The following ST6GALNAC3 variants were observed in gnomAD, a reference collection of about 807,000 sequenced individuals.
ST6GALNAC3 encodes the protein ST6 N-acetylgalactosaminide alpha-2,6-sialyltransferase 3.
A neutral mutation model predicts 32.7 loss-of-function variants in ST6GALNAC3; 25 were observed. The observed-to-expected ratio is 0.76, with a 90% CI of 0.56 to 1.07. The LOEUF (loss-of-function observed/expected upper bound fraction) is 1.07. Among genes scored for constraint, ST6GALNAC3 ranks in the 50% least tolerant of loss-of-function variants. The pLI is 0.00. For missense variants in ST6GALNAC3, 355 were observed against 382.4 expected (o/e 0.93, Z 0.60); for synonymous variants, 129 against 133.1 (o/e 0.97, Z 0.21).
At chr1:76,252,789 G>A (rs72675950) in intron 1 of ST6GALNAC3, among the ~76,000 whole-genome samples, 9,056 of 152,112 alleles carry the variant, frequency 0.06, 295 homozygotes, top group Non-Finnish European at 0.072. Context: ...TGATTTAATT[G>A]GTAAGCCGCT....
chr1:76,429,574 A>G (rs972936520), intron 3 of ST6GALNAC3, among the ~76,000 whole-genome samples: 9 of 152,164 alleles, frequency 5.9e-5, no homozygotes, highest in Admixed American at 1.3e-4. Context: ...TACATACATC[A>G]TATTGAAAAC....
chr1:76,319,756 T>G (rs932393982), intron 2 of ST6GALNAC3, among the ~76,000 whole-genome samples: 2 of 152,208 alleles, frequency 1.3e-5, no homozygotes, highest in African/African-American at 4.8e-5. Context: ...TTAAATGTTA[T>G]AGAAAAGGAA....
intron 3 of ST6GALNAC3, among the ~76,000 whole-genome samples, chr1:76,447,955 A>G (rs1324019917): frequency 6.6e-6 from 1 of 152,152 alleles, no homozygotes; most frequent in African/African-American, 2.4e-5. Context: ...GGCATCACCT[A>G]GTGGAGCTGT....
chr1:76,337,615 C>A (rs532183239), intron 2 of ST6GALNAC3, among the ~76,000 whole-genome samples: 1 of 152,070 alleles, frequency 6.6e-6, no homozygotes, highest in Non-Finnish European at 1.5e-5. Flanking sequence ...CTCCTGGGTG[C>A]TAGTTAGAAA....
intron 3 of ST6GALNAC3, among the ~76,000 whole-genome samples, chr1:76,472,594 C>G (rs1235194362): frequency 6.6e-6 from 1 of 152,086 alleles, no homozygotes; most frequent in Admixed American, 6.6e-5. Flanking sequence ...GGCATGTTAC[C>G]AAAGCGCTCA....
chr1:76,316,114 GA>G (rs1379678677), intron 2 of ST6GALNAC3, among the ~76,000 whole-genome samples: 1 of 152,078 alleles, frequency 6.6e-6, no homozygotes, highest in Non-Finnish European at 1.5e-5. Context: ...AAAAAATTAA[GA>G]AGTCTGACAA....
intron 1 of ST6GALNAC3, among the ~76,000 whole-genome samples, chr1:76,115,589 T>G (rs1648414134): frequency 6.6e-6 from 1 of 152,148 alleles, no homozygotes; most frequent in Non-Finnish European, 1.5e-5. Context: ...TAGTAGCCTG[T>G]TTTTAGAAAG....
At chr1:76,092,549 C>G (rs1417555526) in intron 1 of ST6GALNAC3, among the ~76,000 whole-genome samples, 2 of 152,098 alleles carry the variant, frequency 1.3e-5, no homozygotes, top group African/African-American at 4.8e-5. Flanking sequence ...ATTATTGTGT[C>G]CATTTGACAG....
chr1:76,389,641 G>A (rs1247380223), intron 2 of ST6GALNAC3, among the ~76,000 whole-genome samples: 1 of 152,142 alleles, frequency 6.6e-6, no homozygotes, highest in African/African-American at 2.4e-5. Flanking sequence ...TGATAACTGT[G>A]TTTCGACATA....
intron 1 of ST6GALNAC3, among the ~76,000 whole-genome samples, chr1:76,146,492 C>T (rs977322653): frequency 4.6e-5 from 7 of 152,114 alleles, no homozygotes; most frequent in East Asian, 1.9e-4. Context: ...CTGACTTTGA[C>T]GGCTCCTCCC....
At chr1:76,136,850 A>G (rs942375305) in intron 1 of ST6GALNAC3, among the ~76,000 whole-genome samples, 3 of 152,224 alleles carry the variant, frequency 2.0e-5, no homozygotes, top group Non-Finnish European at 2.9e-5. Context: ...AAGTTGTCAA[A>G]TCTATAGGCC....
chr1:76,509,284 T>C lies in ST6GALNAC3; in HGVS notation c.623+96867T>C, dbSNP rs548650862. ...GGCAGTGAGTAGTTGTTACCTAATT[T>C]GCATTCAAAGAATGGTTTAAAGAAT... On this transcript the variant is annotated intron_variant, in intron 3 of 4. Coordinates refer to ENST00000328299, the MANE Select transcript of ST6GALNAC3 (RefSeq NM_152996.4). This position sits in a 1 kb window ranked among gnomAD's most constrained non-coding sequence, Gnocchi z 5.5. Among the ~76,000 whole-genome samples the C allele has an allele frequency of 3.0e-4, 45 of 152,310 alleles. No homozygotes were observed. The South Asian group carries it at 8.1e-3, about 27-fold the overall frequency.
At chr1:76,438,620 A>G (rs1032901714) in intron 3 of ST6GALNAC3, among the ~76,000 whole-genome samples, 2 of 152,148 alleles carry the variant, frequency 1.3e-5, no homozygotes, top group Non-Finnish European at 2.9e-5. Context: ...GTGCTCTAAT[A>G]TAAGAACACT....
At chr1:76,182,553 T>C (rs1159171655) in intron 1 of ST6GALNAC3, among the ~76,000 whole-genome samples, 1 of 152,188 alleles carries the variant, frequency 6.6e-6, no homozygotes, top group Non-Finnish European at 1.5e-5. Flanking sequence ...GGGGGTATCC[T>C]CTGGTCTTGT....
At chr1:76,316,040 C>G (rs1484002778) in intron 2 of ST6GALNAC3, among the ~76,000 whole-genome samples, 2 of 151,412 alleles carry the variant, frequency 1.3e-5, no homozygotes, top group African/African-American at 4.9e-5. Context: ...AAATTAAAAC[C>G]ACAATGAGAA....
chr1:76,564,177 AC>A (rs1446315544), intron 3 of ST6GALNAC3, among the ~76,000 whole-genome samples: 1 of 152,246 alleles, frequency 6.6e-6, no homozygotes, highest in African/African-American at 2.4e-5. Context: ...TACCTGAGAT[AC>A]AACACAAAGC....
At chr1:76,350,725 G>A (rs1458694447) in intron 2 of ST6GALNAC3, among the ~76,000 whole-genome samples, 1 of 152,070 alleles carries the variant, frequency 6.6e-6, no homozygotes, top group Admixed American at 6.5e-5. Flanking sequence ...TGGATTAAAA[G>A]TATTATTTTA....
intron 2 of ST6GALNAC3, among the ~76,000 whole-genome samples, chr1:76,325,193 A>G (rs1362628035): frequency 6.6e-6 from 1 of 152,252 alleles, no homozygotes; most frequent in Non-Finnish European, 1.5e-5. Context: ...TTTGAAATAT[A>G]CTAGTCTAGC....
At chr1:76,520,590 C>A (rs1662464248) in intron 3 of ST6GALNAC3, among the ~76,000 whole-genome samples, 1 of 152,024 alleles carries the variant, frequency 6.6e-6, no homozygotes. Context: ...TGTGGTTCAT[C>A]TGGAAAAAAT....
Sources: allele counts gnomAD v4.1 joint callset (sites outside exome capture counted in the v4.1 genomes callset), GRCh38; gene constraint gnomAD v4.1.1; non-coding constraint Gnocchi (gnomAD v3.1); transcripts MANE v1.5; gene names NCBI Gene and HGNC (gene_info 2026-07-23, HGNC 2026-07-21).